Variants in CNTNAP2 observed in about 807,000 individuals in gnomAD.
The protein encoded by CNTNAP2 is contactin associated protein 2.
In CNTNAP2, 98 loss-of-function variants were observed where a neutral mutation model predicts 155.2. That is an observed-to-expected ratio of 0.63 (90% confidence interval 0.54 to 0.75). The LOEUF (loss-of-function observed/expected upper bound fraction) is 0.75. Among genes scored for constraint, CNTNAP2 ranks in the 30% least tolerant of loss-of-function variants. The pLI, the probability that CNTNAP2 is intolerant of heterozygous loss-of-function variation, is 0.00. For missense variants in CNTNAP2, 1,727 were observed against 1,688.1 expected (o/e 1.02, Z -0.40); for synonymous variants, 651 against 631.2 (o/e 1.03, Z -0.47).
intron 13 of CNTNAP2, among the ~76,000 whole-genome samples, chr7:147,723,512 G>A (rs1336778203): frequency 1.3e-5 from 2 of 151,872 alleles, no homozygotes; most frequent in Non-Finnish European, 2.9e-5. Context: ...GGTAAGGAAA[G>A]GCGTGTGATC....
At chr7:147,174,129 C>T (rs1290905402) in intron 8 of CNTNAP2, among the ~76,000 whole-genome samples, 2 of 152,030 alleles carry the variant, frequency 1.3e-5, no homozygotes, top group African/African-American at 4.8e-5. Flanking sequence ...CCTCCTTTTT[C>T]ATATTAATAG....
chr7:148,272,575 C>T (rs867189373), intron 21 of CNTNAP2, among the ~76,000 whole-genome samples: 1 of 151,726 alleles, frequency 6.6e-6, no homozygotes, highest in African/African-American at 2.4e-5. Context: ...TCTTGACAGG[C>T]TAGAAAGATG....
intron 13 of CNTNAP2, among the ~76,000 whole-genome samples, chr7:147,773,070 T>C (rs769603908): frequency 1.5e-4 from 23 of 152,332 alleles, no homozygotes; most frequent in Admixed American, 9.1e-4. Context: ...CTTAATCATA[T>C]ATGAATACCC....
chr7:148,386,544 CTA>C (rs979264746), intron 22 of CNTNAP2, among the ~76,000 whole-genome samples: 1 of 152,062 alleles, frequency 6.6e-6, no homozygotes, highest in African/African-American at 2.4e-5. Context: ...AGTTTACAAA[CTA>C]TAAGGCAGAG....
intron 13 of CNTNAP2, among the ~76,000 whole-genome samples, chr7:147,700,409 T>A (rs1204937280): frequency 6.6e-6 from 1 of 152,190 alleles, no homozygotes; most frequent in Non-Finnish European, 1.5e-5. Flanking sequence ...ACTGCACCAG[T>A]CCATTCCCCT....
intron 1 of CNTNAP2, among the ~76,000 whole-genome samples, chr7:146,401,804 T>G (rs1795718089): frequency 6.6e-6 from 1 of 152,166 alleles, no homozygotes; most frequent in Non-Finnish European, 1.5e-5. Flanking sequence ...ACAGTGTAAT[T>G]TATTAGCTAT....
At chr7:147,388,816 G>A (rs531687388) in intron 9 of CNTNAP2, among the ~76,000 whole-genome samples, 19 of 152,246 alleles carry the variant, frequency 1.2e-4, no homozygotes, top group African/African-American at 2.9e-4. Context: ...TCCTAACTTC[G>A]TGATCTGCCC....
intron 13 of CNTNAP2, among the ~76,000 whole-genome samples, chr7:147,887,526 C>T (rs371908230): frequency 6.6e-6 from 1 of 152,058 alleles, no homozygotes; most frequent in East Asian, 1.9e-4. Flanking sequence ...TATGATTGAG[C>T]ATGCAAGAAA....
chr7:148,114,848 G>A (rs371784193), intron 15 of CNTNAP2, among the ~76,000 whole-genome samples: 2 of 152,160 alleles, frequency 1.3e-5, no homozygotes, highest in African/African-American at 2.4e-5. Flanking sequence ...ATAAGTAAAA[G>A]CAGAAGTTCT....
intron 3 of CNTNAP2, among the ~76,000 whole-genome samples, chr7:146,924,195 C>T (rs941935761): frequency 1.3e-5 from 2 of 152,104 alleles, no homozygotes; most frequent in Non-Finnish European, 2.9e-5. Context: ...GGTTTCTTGT[C>T]TCTAGATCCA....
At chr7:148,160,345 T>C (rs2116672769) in intron 17 of CNTNAP2, among the ~76,000 whole-genome samples, 1 of 150,094 alleles carries the variant, frequency 6.7e-6, no homozygotes, top group South Asian at 2.1e-4. Flanking sequence ...CAGGAGGTCA[T>C]AGCTGCAGTG....
chr7:147,123,838 TA>T (rs2129283366), intron 6 of CNTNAP2, among the ~76,000 whole-genome samples: 1 of 152,032 alleles, frequency 6.6e-6, no homozygotes, highest in African/African-American at 2.4e-5. Flanking sequence ...CTCAGGAGTT[TA>T]AGACCAGCCT....
chr7:146,154,196 G>A (rs1222506298), intron 1 of CNTNAP2, among the ~76,000 whole-genome samples: 2 of 152,110 alleles, frequency 1.3e-5, no homozygotes, highest in Non-Finnish European at 2.9e-5. Context: ...AATAATGACT[G>A]AGCTTCTAAA....
intron 15 of CNTNAP2, among the ~76,000 whole-genome samples, chr7:148,041,144 T>C (rs1282270666): frequency 6.6e-6 from 1 of 152,222 alleles, no homozygotes; most frequent in Admixed American, 6.5e-5. Flanking sequence ...GATTATTCTT[T>C]AGTGGGAAGG....
At chr7:147,957,266 G>GTTGT (rs752940199) in intron 14 of CNTNAP2, among the ~76,000 whole-genome samples, 23 of 152,198 alleles carry the variant, frequency 1.5e-4, no homozygotes, top group East Asian at 5.8e-4. Flanking sequence ...GAGAGCTGAA[G>GTTGT]TTGTTTGTTT....
intron 1 of CNTNAP2, among the ~76,000 whole-genome samples, chr7:146,770,317 T>TACACACACACACACAC (rs60507060): frequency 7.0e-6 from 1 of 143,686 alleles, no homozygotes; most frequent in African/African-American, 2.6e-5. Context: ...TGTGTGTGTA[T>TACACACACACACACAC]ACACACACAC....
At chr7:146,338,385 T>C (rs1337459281) in intron 1 of CNTNAP2, among the ~76,000 whole-genome samples, 2 of 152,120 alleles carry the variant, frequency 1.3e-5, no homozygotes, top group Non-Finnish European at 2.9e-5. Context: ...CGTATTTAAA[T>C]TGAATATCAG....
intron 9 of CNTNAP2, among the ~76,000 whole-genome samples, chr7:147,331,380 T>C (rs971484473): frequency 6.6e-6 from 1 of 152,100 alleles, no homozygotes; most frequent in African/African-American, 2.4e-5. Flanking sequence ...CTATTATAAA[T>C]GTCAAAAAGG....
chr7:146,354,181 A>G (rs1239860625), intron 1 of CNTNAP2, among the ~76,000 whole-genome samples: 6 of 152,176 alleles, frequency 3.9e-5, no homozygotes, highest in African/African-American at 1.4e-4. Context: ...TTCGCTACTT[A>G]CCAGTTATGT....
Sources: gnomAD v4.1 joint callset for allele counts (sites outside exome capture counted in the v4.1 genomes callset) on GRCh38, gnomAD v4.1.1 for gene constraint, MANE v1.5 for transcripts, NCBI Gene and HGNC (gene_info 2026-07-23, HGNC 2026-07-21) for gene names.